Variants in ATXN1 observed in about 807,000 individuals in gnomAD.
ATXN1 encodes the protein ataxin 1.
ATXN1 carries 8 observed loss-of-function variants against 56.4 expected under a neutral mutation model. The observed-to-expected ratio is 0.14, with a 90% CI of 0.08 to 0.26. ATXN1 has a LOEUF of 0.26. ATXN1 is among the 10% of genes least tolerant of loss of function. The probability of loss-of-function intolerance (pLI) is 1.00; values close to 1 mark genes in which losing one functional copy is unlikely to be tolerated. For synonymous variants in ATXN1, 514 were observed against 494.6 expected (o/e 1.04, Z -0.52); for missense variants, 987 against 1,106.5 (o/e 0.89, Z 1.53).
intron 4 of ATXN1, among the ~76,000 whole-genome samples, chr6:16,542,914 C>G (rs982459831): frequency 6.6e-6 from 1 of 152,020 alleles, no homozygotes; most frequent in African/African-American, 2.4e-5. Flanking sequence ...GTCTCTCTCT[C>G]TCTCTCAAAA....
At chr6:16,583,999 G>A (rs925427468) in intron 4 of ATXN1, among the ~76,000 whole-genome samples, 7 of 151,616 alleles carry the variant, frequency 4.6e-5, no homozygotes, top group Non-Finnish European at 7.4e-5. Flanking sequence ...GAGTTTTAAC[G>A]ATTTTAAACA....
At chr6:16,599,859 C>T (rs1762883429) in intron 3 of ATXN1, among the ~76,000 whole-genome samples, 1 of 152,132 alleles carries the variant, frequency 6.6e-6, no homozygotes, top group Non-Finnish European at 1.5e-5. Flanking sequence ...TTCTGTTCCC[C>T]CAAGAGGCCT....
intron 5 of ATXN1, among the ~76,000 whole-genome samples, chr6:16,500,738 T>TAAAA (rs1167731131): frequency 1.6e-3 from 136 of 84,274 alleles, no homozygotes; most frequent in African/African-American, 4.3e-3. Context: ...TTCATTATGA[T>TAAAA]AAAAAAAAAA....
At chr6:16,567,776 C>T (rs575906624) in intron 4 of ATXN1, among the ~76,000 whole-genome samples, 1 of 151,960 alleles carries the variant, frequency 6.6e-6, no homozygotes, top group African/African-American at 2.4e-5. Context: ...ATTACCCATG[C>T]ACACAGCTTA....
chr6:16,312,042 T>C (rs1340405774), intron 7 of ATXN1, among the ~76,000 whole-genome samples: 1 of 152,208 alleles, frequency 6.6e-6, no homozygotes, highest in African/African-American at 2.4e-5. Context: ...AGGCCCTTGG[T>C]GTGTGAGCCA....
chr6:16,503,277 G>A (rs548650240), intron 5 of ATXN1, among the ~76,000 whole-genome samples: 16 of 152,306 alleles, frequency 1.1e-4, no homozygotes, highest in African/African-American at 3.8e-4. Flanking sequence ...TCAGGCTACT[G>A]GAGAATGTGG....
intron 4 of ATXN1, among the ~76,000 whole-genome samples, chr6:16,571,422 C>G (rs1044146903): frequency 6.6e-6 from 1 of 152,164 alleles, no homozygotes; most frequent in Non-Finnish European, 1.5e-5. Flanking sequence ...CTAGAGGCTA[C>G]TTCATGGAGT....
chr6:16,743,583 A>G (rs911352013), intron 2 of ATXN1, among the ~76,000 whole-genome samples: 31 of 152,224 alleles, frequency 2.0e-4, no homozygotes, highest in Non-Finnish European at 4.0e-4. Context: ...CACATACTGG[A>G]AAGAGGGCAG....
chr6:16,505,813 C>T (rs966453142), intron 5 of ATXN1, among the ~76,000 whole-genome samples: 1 of 152,104 alleles, frequency 6.6e-6, no homozygotes, highest in Non-Finnish European at 1.5e-5. Flanking sequence ...AACTACTATG[C>T]GTCTATCTTT....
chr6:16,761,389 C>T lies in ATXN1; in HGVS notation c.-821G>A, dbSNP rs1328022085. On this transcript the variant is annotated 5_prime_UTR_variant, in exon 1 of 8. Transcript: ENST00000436367. ...GCGGCTGCTGTTGCTCTGGCTGCTG[C>T]TCCACGGGGCTTGTTTTGGATCCCC... is the stretch of plus-strand genomic sequence containing the variant. The T allele has an allele frequency of 2.2e-6, 1 of 456,472 alleles. No individual in the cohort carries two copies. The highest frequency in any genetic ancestry group is 2.0e-5 in the African/African-American group (1 of 50,006). 28.3% of individuals were successfully genotyped at this position (456,472 alleles called of 1,614,324 possible).
chr6:16,699,052 T>A (rs1311993768), intron 2 of ATXN1, among the ~76,000 whole-genome samples: 2 of 152,234 alleles, frequency 1.3e-5, no homozygotes, highest in African/African-American at 4.8e-5. Flanking sequence ...AATAGCCTTT[T>A]GTTTTCTATT....
At chr6:16,634,395 T>G (rs530836975) in intron 3 of ATXN1, among the ~76,000 whole-genome samples, 59 of 152,230 alleles carry the variant, frequency 3.9e-4, no homozygotes, top group Admixed American at 2.0e-3. Flanking sequence ...TAGGGTTGTT[T>G]CTGAGAATTA....
chr6:16,559,743 T>C (rs1395036999), intron 4 of ATXN1, among the ~76,000 whole-genome samples: 1 of 152,056 alleles, frequency 6.6e-6, no homozygotes, highest in Non-Finnish European at 1.5e-5. Context: ...CAAAACAATA[T>C]TAATGCTTCA....
chr6:16,717,464 T>C (rs1027162744), intron 2 of ATXN1, among the ~76,000 whole-genome samples: 16 of 152,228 alleles, frequency 1.1e-4, no homozygotes, highest in African/African-American at 3.9e-4. Context: ...TGACTCCATA[T>C]GGATCTTCCT....
rs138767586 is a variant in ATXN1 at position 16,658,487 on chromosome 6, C to T, written c.-614-586G>A. ...TACTTTCTCCACCCAAGCTGAAAAGCAGTAGTTACTTTACACACTGAATAT... is the reference window on the plus strand; with the variant it reads ...TACTTTCTCCACCCAAGCTGAAAAGTAGTAGTTACTTTACACACTGAATAT... On this transcript the variant is annotated intron_variant, in intron 2 of 7. Coordinates refer to ENST00000436367, the MANE Select transcript of ATXN1 (RefSeq NM_001128164.2). 1.7e-3 allele frequency among the ~76,000 whole-genome samples: 260 copies of T among 152,314 alleles called. 2 individuals carry two copies. Among genetic ancestry groups the T allele is most frequent in the African/African-American group, 5.9e-3 (245 of 41,568 alleles).
intron 6 of ATXN1, among the ~76,000 whole-genome samples, chr6:16,339,697 G>C (rs1176401608): frequency 6.6e-6 from 1 of 152,176 alleles, no homozygotes; most frequent in African/African-American, 2.4e-5. Context: ...GGCTAAAAAA[G>C]GGCAGAAACA....
chr6:16,442,282 C>T (rs564475257), intron 6 of ATXN1, among the ~76,000 whole-genome samples: 8 of 152,192 alleles, frequency 5.3e-5, no homozygotes, highest in East Asian at 1.9e-4. Flanking sequence ...GAATATTGTT[C>T]GCAGAAACCC....
chr6:16,474,864 A>ACACACTCT (rs1554108897), intron 6 of ATXN1, among the ~76,000 whole-genome samples: 1 of 148,936 alleles, frequency 6.7e-6, no homozygotes, highest in African/African-American at 2.5e-5. Flanking sequence ...ACACACACAC[A>ACACACTCT]CTCTCTCTCT....
At chr6:16,367,993 CCT>C (rs1761961412) in intron 6 of ATXN1, among the ~76,000 whole-genome samples, 1 of 151,864 alleles carries the variant, frequency 6.6e-6, no homozygotes, top group Non-Finnish European at 1.5e-5. Context: ...CATGTGAAAC[CCT>C]GTCTCTACTA....
Sources: allele counts gnomAD v4.1 joint callset (sites outside exome capture counted in the v4.1 genomes callset), GRCh38; gene constraint gnomAD v4.1.1; transcripts MANE v1.5; gene names NCBI Gene and HGNC (gene_info 2026-07-23, HGNC 2026-07-21).